The following NMI variants were observed in gnomAD, a reference collection of about 807,000 sequenced individuals.
The protein encoded by NMI is N-myc-interactor.
A neutral mutation model predicts 34.3 loss-of-function variants in NMI; 39 were observed. The ratio of observed to expected loss-of-function variants is 1.14; its 90% CI spans 0.88 to 1.49. NMI has a LOEUF of 1.49. Among genes scored for constraint, NMI ranks in the 40% most tolerant of loss-of-function variants. NMI has a pLI of 0.00. For missense variants in NMI, 339 were observed against 358.1 expected, an observed-to-expected ratio of 0.95 and a Z score of 0.43; for synonymous variants, 113 against 120.3, an observed-to-expected ratio of 0.94 and a Z score of 0.40.
intron 3 of NMI, among the ~76,000 whole-genome samples, chr2:151,281,508 G>A (rs113884924): frequency 0.012 from 1,824 of 152,292 alleles, 39 homozygotes; most frequent in African/African-American, 0.039. Flanking sequence ...TGATTGGCAC[G>A]CAGATGATAG....
At chr2:151,289,139 T>A (rs1683567841) in intron 1 of NMI, 1 of 150,446 alleles carries the variant, frequency 6.6e-6, no homozygotes, top group South Asian at 2.1e-4. Flanking sequence ...TCCCAGCTAC[T>A]CTACTCGGGA....
intron 7 of NMI, among the ~76,000 whole-genome samples, chr2:151,271,375 A>G (rs1683184426): frequency 6.6e-6 from 1 of 152,234 alleles, no homozygotes; most frequent in Non-Finnish European, 1.5e-5. Flanking sequence ...GTCTCCATGT[A>G]CAAAAATAAA....
At chr2:151,279,101 C>A (rs1683341263) in intron 3 of NMI, 111 bp from the exon 4 acceptor site, 4 of 694,808 alleles carry the variant, frequency 5.8e-6, no homozygotes, top group African/African-American at 5.4e-5. Context: ...AATTTTAGAA[C>A]CTTGTAGAAT....
chr2:151,277,585 A>T (rs968453045), intron 4 of NMI: 6 of 152,150 alleles, frequency 3.9e-5, no homozygotes, highest in African/African-American at 1.4e-4. Flanking sequence ...CTGCCTCCCA[A>T]ATCCTCATTT....
intron 3 of NMI, among the ~76,000 whole-genome samples, 170 bp downstream of exon 3, chr2:151,281,778 C>T (rs187901594): frequency 8.2e-4 from 125 of 152,238 alleles, no homozygotes; most frequent in African/African-American, 2.7e-3. Flanking sequence ...TTCACTAATT[C>T]GTTCTACTAT....
rs975703375 is a variant in NMI, at chr2:151,274,119, T to G, written c.634+1365A>C. Among the ~76,000 whole-genome samples, 62 of 151,540 alleles carry G rather than the reference T, an allele frequency of 4.1e-4. 1 individual carries two copies. The highest frequency in any genetic ancestry group is 1.4e-3 in the African/African-American group (60 of 41,406). On this transcript the variant is annotated intron_variant, in intron 6 of 7. Coordinates refer to ENST00000243346, the MANE Select transcript of NMI (RefSeq NM_004688.3). ...GCACTTTGGGAAGCCAAGGCGGGCG[T>G]ATCACTTGAAGTCAGGAGTTCGAGA...
intron 3 of NMI, among the ~76,000 whole-genome samples, chr2:151,280,955 C>T (rs1476908350): frequency 6.6e-6 from 1 of 152,014 alleles, no homozygotes; most frequent in East Asian, 1.9e-4. Context: ...CAATTCTCTG[C>T]CTCAGCCTCC....
chr2:151,282,909 C>A lies in NMI; in HGVS notation c.40G>T (p.Glu14Ter). The A allele has an allele frequency of 6.5e-7, 1 of 1,530,860 alleles. No individual in the cohort carries two copies. The highest frequency in any genetic ancestry group is 8.8e-7 in the Non-Finnish European group (1 of 1,134,058). The allele number at this position is 1,530,860 out of a possible 1,614,324, so 94.8% of individuals were successfully genotyped here. The change falls in exon 2 of 8, where the codon GAG (glutamate) becomes TAG (stop). Residue 14 changes from glutamate (E) to a stop codon, truncating the protein, a stop_gained. Transcript: ENST00000243346. LOFTEE classifies it high-confidence loss of function. Reference sequence around the variant, plus strand: ...TTTATAAATTCATCTGGCGAATGCTCCTTAAGAATTTGTTGTGTGTCATCT... The same window carrying A: ...TTTATAAATTCATCTGGCGAATGCTACTTAAGAATTTGTTGTGTGTCATCT... The part of the protein sequence containing the change: ...DKDDTQQILK[E>*]HSPDEFIKDE...
chr2:151,273,468 A>G (rs1157033948), intron 6 of NMI, among the ~76,000 whole-genome samples: 2 of 152,202 alleles, frequency 1.3e-5, no homozygotes, highest in Non-Finnish European at 2.9e-5. Context: ...CAAAGCTAGT[A>G]TTATCTCTCA....
intron 1 of NMI, among the ~76,000 whole-genome samples, chr2:151,285,366 G>T (rs1478815651): frequency 1.5e-5 from 2 of 133,862 alleles, no homozygotes; most frequent in African/African-American, 6.1e-5. Context: ...GAGATAGATA[G>T]ATAGATAGAT....
intron 4 of NMI, among the ~76,000 whole-genome samples, chr2:151,276,439 G>A (rs980716125): frequency 6.6e-6 from 1 of 152,126 alleles, no homozygotes; most frequent in Non-Finnish European, 1.5e-5. Context: ...CTTCTCATAA[G>A]ATGAATCTTT....
intron 7 of NMI, 63 bp from the exon 8 acceptor site, chr2:151,270,938 T>G: frequency 2.5e-6 from 3 of 1,207,438 alleles, no homozygotes; most frequent in Non-Finnish European, 3.6e-6. Flanking sequence ...AAACTTTACA[T>G]TCATAATCTC....
chr2:151,285,841 T>C (rs966988519), intron 1 of NMI, among the ~76,000 whole-genome samples: 3 of 152,016 alleles, frequency 2.0e-5, no homozygotes, highest in Non-Finnish European at 4.4e-5. Context: ...CATCTTATGA[T>C]GCCAAAAAGC....
intron 3 of NMI, among the ~76,000 whole-genome samples, chr2:151,279,824 C>T (rs1683357443): frequency 6.6e-6 from 1 of 152,072 alleles, no homozygotes; most frequent in South Asian, 2.1e-4. Flanking sequence ...TCCACCTTCC[C>T]CAACACCTGC....
At chr2:151,274,585 C>T (rs1272735873) in intron 6 of NMI, among the ~76,000 whole-genome samples, 1 of 150,116 alleles carries the variant, frequency 6.7e-6, no homozygotes, top group African/African-American at 2.5e-5. Flanking sequence ...AAGCTATTCT[C>T]CTGCCTGAGC....
chr2:151,286,223 C>T (rs186159920), intron 1 of NMI, among the ~76,000 whole-genome samples: 17 of 152,210 alleles, frequency 1.1e-4, no homozygotes, highest in Non-Finnish European at 1.6e-4. Flanking sequence ...GTAACTTCGA[C>T]GACAGTCCTG....
chr2:151,276,933 A>T (rs1683301391), intron 4 of NMI, among the ~76,000 whole-genome samples: 1 of 152,244 alleles, frequency 6.6e-6, no homozygotes, highest in Non-Finnish European at 1.5e-5. Flanking sequence ...AAATGCTAAA[A>T]ATCACTAGCA....
At chr2:151,284,014 A>G (rs1180121379) in intron 1 of NMI, among the ~76,000 whole-genome samples, 1 of 152,132 alleles carries the variant, frequency 6.6e-6, no homozygotes, top group Non-Finnish European at 1.5e-5. Context: ...GATATATATC[A>G]CTATATCAAA....
intron 6 of NMI, 53 bp downstream of exon 6, chr2:151,275,431 A>G (rs1683273288): frequency 1.4e-6 from 2 of 1,476,068 alleles, no homozygotes; most frequent in Non-Finnish European, 1.9e-6. Flanking sequence ...CAGAAACAAC[A>G]GAACATGACT....
Sources: allele counts gnomAD v4.1 joint callset (sites outside exome capture counted in the v4.1 genomes callset), GRCh38; gene constraint gnomAD v4.1.1; transcripts MANE v1.5; gene names NCBI Gene and HGNC (gene_info 2026-07-23, HGNC 2026-07-21).